Variants in AXL observed in about 807,000 individuals in gnomAD.
The protein encoded by AXL is tyrosine-protein kinase receptor UFO.
In AXL, 52 loss-of-function variants were observed where a neutral mutation model predicts 104.5. The ratio of observed to expected loss-of-function variants is 0.50; its 90% CI spans 0.40 to 0.63. The LOEUF is 0.63. Among genes scored for constraint, AXL ranks in the 20% least tolerant of loss-of-function variants. The pLI is 0.00. For missense variants in AXL, 1,024 were observed against 1,188.5 expected, an observed-to-expected ratio of 0.86 and a Z score of 2.04; for synonymous variants, 455 against 473.7, an observed-to-expected ratio of 0.96 and a Z score of 0.51.
chr19:41,243,723 G>A lies in AXL; in HGVS notation c.1537+16G>A. On this transcript the variant is annotated intron_variant, in intron 12 of 19. Coordinates refer to ENST00000301178, the MANE Select transcript of AXL (RefSeq NM_021913.5). ...GAAGCTACCTGTAAGTGAACCCTAT[G>A]CCCCACTGCCCTGGCCTGGATCTAA... 6.2e-7 allele frequency: 1 copy of A among 1,604,792 alleles called. No homozygotes were observed. The highest frequency in any genetic ancestry group is 8.5e-7 in the Non-Finnish European group (1 of 1,171,582).
chr19:41,237,963 G>A lies in AXL; in HGVS notation c.803G>A (p.Gly268Glu), dbSNP rs1416201250. The A allele has an allele frequency of 1.2e-6, 2 of 1,613,756 alleles. No individual in the cohort carries two copies. Among genetic ancestry groups the A allele is most frequent in the Non-Finnish European group, 8.5e-7 (1 of 1,179,904 alleles). Residue 268 changes from glycine (G) to glutamate (E), a missense_variant, in exon 7 of 20, where the codon GGG (glycine) becomes GAG (glutamate). Around this residue, in one of 5 missense-constraint regions of AXL, gnomAD observed 332 missense variants for 343.9 expected, o/e 0.97. Transcript: ENST00000301178. ...CTLQAVLSDD[G>E]MGIQAGEPDP... Reference sequence around the variant, plus strand: ...CCTCAGGCTGTGCTGTCAGACGATGGGATGGGCATCCAGGCGGGAGAACCA... The same window carrying A: ...CCTCAGGCTGTGCTGTCAGACGATGAGATGGGCATCCAGGCGGGAGAACCA...
At chr19:41,228,792 C>T (rs1161074809) in intron 4 of AXL, among the ~76,000 whole-genome samples, 1 of 152,058 alleles carries the variant, frequency 6.6e-6, no homozygotes, top group Non-Finnish European at 1.5e-5. Context: ...GTGGGAGAAA[C>T]TGACAATGGG....
rs1489939199 is a variant in AXL at position 41,257,494 on chromosome 19, G to T, written c.2198G>T (p.Trp733Leu). The change falls in exon 19 of 20, where the codon TGG becomes TTG. Residue 733 changes from tryptophan to leucine, a missense_variant and splice_region_variant. This residue lies in a region of AXL where 523 missense variants were observed against 636.0 expected (regional missense o/e 0.82). Coordinates refer to ENST00000301178, the MANE Select transcript of AXL (RefSeq NM_021913.5). ...DRVYTSKSDV[W>L]SFGVTMWEIA... ...TCTAATTCCCTCTGCCCCTCACAGTGGTCCTTCGGGGTGACAATGTGGGAG... is the reference window on the plus strand; with the variant it reads ...TCTAATTCCCTCTGCCCCTCACAGTTGTCCTTCGGGGTGACAATGTGGGAG... The T allele has an allele frequency of 6.2e-7, 1 of 1,614,114 alleles. No homozygotes were observed. Among genetic ancestry groups the T allele is most frequent in the Non-Finnish European group, 8.5e-7 (1 of 1,180,016 alleles).
intron 17 of AXL, 75 bp from the exon 18 acceptor site, chr19:41,256,377 G>A: frequency 1.9e-6 from 3 of 1,552,126 alleles, no homozygotes; most frequent in Non-Finnish European, 2.6e-6. Context: ...GTGCAGATGT[G>A]TCTGAGAGCC....
intron 12 of AXL, among the ~76,000 whole-genome samples, chr19:41,245,576 A>G (rs2034257709): frequency 6.6e-6 from 1 of 152,138 alleles, no homozygotes; most frequent in Admixed American, 6.6e-5. Flanking sequence ...TACAAAAATT[A>G]GCCAGATGTA....
At chr19:41,222,713 T>C (rs1048097106) in intron 4 of AXL, among the ~76,000 whole-genome samples, 13 of 149,556 alleles carry the variant, frequency 8.7e-5, no homozygotes, top group Admixed American at 8.0e-4. Context: ...AAGACCATCC[T>C]GGCTAACACG....
intron 12 of AXL, among the ~76,000 whole-genome samples, chr19:41,245,122 G>C (rs2034249856): frequency 6.7e-6 from 1 of 150,328 alleles, no homozygotes; most frequent in Non-Finnish European, 1.5e-5. Context: ...ATAGAGACAA[G>C]GTTTCACCAT....
chr19:41,253,284 G>A (rs1444891632), intron 16 of AXL, among the ~76,000 whole-genome samples: 1 of 152,060 alleles, frequency 6.6e-6, no homozygotes, highest in East Asian at 1.9e-4. Flanking sequence ...TGGAGATCTG[G>A]GCAGGAAGCG....
chr19:41,259,785 A>G lies in AXL; in HGVS notation c.2566A>G (p.Thr856Ala). ...CCCTAAGGATTCCTGTAGCTGCCTC[A>G]CTGCGGCTGAGGTCCATCCTGCTGG... is the stretch of plus-strand genomic sequence containing the variant. ...PDPKDSCSCL[T>A]AAEVHPAGRY... The change falls in exon 20 of 20, where the codon ACT becomes GCT. Residue 856 changes from threonine to alanine, a missense_variant. By Grantham distance (58) the Thr-to-Ala change is moderately conservative. Coordinates refer to ENST00000301178, the MANE Select transcript of AXL (RefSeq NM_021913.5). 6.2e-7 allele frequency: 1 copy of G among 1,614,010 alleles called. No homozygotes were observed. The highest frequency in any genetic ancestry group is 1.1e-5 in the South Asian group (1 of 91,066).
chr19:41,228,935 TC>T (rs2033928701), intron 4 of AXL, among the ~76,000 whole-genome samples: 1 of 144,090 alleles, frequency 6.9e-6, no homozygotes, highest in Admixed American at 6.9e-5. Flanking sequence ...TTTCTTTCTT[TC>T]TTTGTCTTTT....
At chr19:41,223,439 TG>T (rs1013191834) in intron 4 of AXL, among the ~76,000 whole-genome samples, 1 of 152,090 alleles carries the variant, frequency 6.6e-6, no homozygotes, top group South Asian at 2.1e-4. Context: ...GGGGCATCAC[TG>T]GGGGACCCTG....
rs767964324 is a variant in AXL, at chr19:41,239,145, C to A, written c.1135-19C>A. ...TGGGGGGTAAGGTTCTACCCTGATG[C>A]CACTTCTGGACCTCCTAGGTGCTAA... On this transcript the variant is annotated intron_variant, in intron 8 of 19. Transcript: ENST00000301178. The A allele has an allele frequency of 6.2e-7, 1 of 1,612,598 alleles. No homozygotes were observed.
intron 10 of AXL, among the ~76,000 whole-genome samples, chr19:41,241,570 A>G (rs1192187888): frequency 7.9e-5 from 12 of 151,122 alleles, no homozygotes; most frequent in African/African-American, 2.7e-4. Flanking sequence ...GAAAGAAAGA[A>G]AGAAAAAAAG....
chr19:41,259,021 GC>G (rs1376329319), intron 19 of AXL, among the ~76,000 whole-genome samples: 1 of 152,150 alleles, frequency 6.6e-6, no homozygotes, highest in Non-Finnish European at 1.5e-5. Context: ...CACTGCTTGA[GC>G]TTACTCACAA....
chr19:41,245,087 C>T (rs1450280632), intron 12 of AXL, among the ~76,000 whole-genome samples: 4 of 151,840 alleles, frequency 2.6e-5, no homozygotes, highest in African/African-American at 7.3e-5. Flanking sequence ...CATGCCACAA[C>T]GCCTGGCTAA....
chr19:41,247,795 G>A (rs1378828083), intron 12 of AXL, among the ~76,000 whole-genome samples: 1 of 152,060 alleles, frequency 6.6e-6, no homozygotes, highest in Non-Finnish European at 1.5e-5. Context: ...ATGTTGCCCA[G>A]GCTGGTTTTG....
chr19:41,239,283 C>G lies in AXL; in HGVS notation c.1254C>G (p.Ser418Arg), dbSNP rs2122238293. 6.3e-7 allele frequency: 1 copy of G among 1,596,868 alleles called. No individual in the cohort carries two copies. The highest frequency in any genetic ancestry group is 8.5e-7 in the Non-Finnish European group (1 of 1,172,360). The change falls in exon 9 of 20, where the codon AGC (serine) becomes AGG (arginine). Residue 418 changes from serine (S) to arginine (R), a missense_variant. Transcript: ENST00000301178. ...CTGCTGCTGGGGATGGACCCTGGAG[C>G]CTCCCAGTACCCCTGGAGGCCTGGC... ...AYTAAGDGPWSLPVPLEAWRP... is the reference protein window; with the variant it reads ...AYTAAGDGPWRLPVPLEAWRP...
chr19:41,220,203 C>A (rs898896318), intron 1 of AXL, among the ~76,000 whole-genome samples: 1 of 151,416 alleles, frequency 6.6e-6, no homozygotes, highest in Admixed American at 6.6e-5. Flanking sequence ...CTCATCTCCC[C>A]TGCCTTTCTC....
At chr19:41,252,801 C>T in intron 15 of AXL, 45 bp from the exon 16 acceptor site, 3 of 1,609,908 alleles carry the variant, frequency 1.9e-6, no homozygotes, top group Middle Eastern at 3.9e-4. Context: ...GGCTTGGCTT[C>T]CCCTTCTGCC....
Sources: allele counts gnomAD v4.1 joint callset (sites outside exome capture counted in the v4.1 genomes callset), GRCh38; gene constraint gnomAD v4.1.1; regional missense constraint gnomAD v4.1.1; transcripts MANE v1.5; gene names NCBI Gene and HGNC (gene_info 2026-07-23, HGNC 2026-07-21).